Variants in USP13 observed in about 807,000 individuals in gnomAD.
USP13 encodes the protein ubiquitin specific peptidase 13, also known as ubiquitin carboxyl-terminal hydrolase 13.
Under a neutral mutation model 107.8 loss-of-function variants are expected in USP13, and 68 were observed. The ratio of observed to expected loss-of-function variants is 0.63; its 90% CI spans 0.52 to 0.77. The LOEUF is 0.77. Among genes scored for constraint, USP13 ranks in the 30% least tolerant of loss-of-function variants. The probability of loss-of-function intolerance (pLI) is 0.00; values close to 1 mark genes in which losing one functional copy is unlikely to be tolerated. For missense variants in USP13, 945 were observed against 1,093.3 expected, an observed-to-expected ratio of 0.86 and a Z score of 1.91; for synonymous variants, 377 against 389.5, an observed-to-expected ratio of 0.97 and a Z score of 0.38.
intron 2 of USP13, among the ~76,000 whole-genome samples, chr3:179,684,434 C>G (rs976354760): frequency 1.3e-5 from 2 of 152,164 alleles, no homozygotes; most frequent in African/African-American, 4.8e-5. Flanking sequence ...CCTCAGCCCC[C>G]CAAGTAGCTG....
chr3:179,728,343 G>A (rs1237525941), intron 8 of USP13, among the ~76,000 whole-genome samples: 1 of 148,860 alleles, frequency 6.7e-6, no homozygotes, highest in African/African-American at 2.5e-5. Context: ...CATCCCGGAC[G>A]GGGCGGCAGG....
chr3:179,683,134 A>AGT (rs1711728177), intron 2 of USP13, among the ~76,000 whole-genome samples: 4 of 149,820 alleles, frequency 2.7e-5, no homozygotes, highest in African/African-American at 9.8e-5. Context: ...TTTTCTTATA[A>AGT]GTGTGATGAG....
At chr3:179,729,554 C>G (rs1023303106) in intron 8 of USP13, among the ~76,000 whole-genome samples, 1 of 152,186 alleles carries the variant, frequency 6.6e-6, no homozygotes, top group African/African-American at 2.4e-5. Context: ...TCACTGCAAC[C>G]TCCACCTCCA....
At chr3:179,740,405 G>T (rs1714151264) in intron 11 of USP13, 33 bp downstream of exon 11, 1 of 1,613,112 alleles carries the variant, frequency 6.2e-7, no homozygotes, top group African/African-American at 1.3e-5. Context: ...TGCTCAGCGG[G>T]GTTGTAAGAG....
intron 10 of USP13, among the ~76,000 whole-genome samples, chr3:179,737,778 A>G (rs955371664): frequency 3.3e-5 from 5 of 152,166 alleles, no homozygotes; most frequent in Admixed American, 1.3e-4. Flanking sequence ...GTTCCCTAAC[A>G]TTTGTTATCG....
chr3:179,705,636 A>G (rs1466769898), intron 4 of USP13, among the ~76,000 whole-genome samples: 3 of 152,174 alleles, frequency 2.0e-5, no homozygotes, highest in Non-Finnish European at 2.9e-5. Flanking sequence ...ATAACATTCC[A>G]TTGTATGTAC....
Position 179,742,169 on chromosome 3 carries a change from T to C in USP13, c.1381-28T>C. The C allele has an allele frequency of 6.2e-7, 1 of 1,614,032 alleles. No individual in the cohort carries two copies. The highest frequency in any genetic ancestry group is 8.5e-7 in the Non-Finnish European group (1 of 1,179,898). ...CTTAGTGGCTCAATATTCATACATTTACTAACCTGATACAATCCATCCTTC... is the reference window on the plus strand; with the variant it reads ...CTTAGTGGCTCAATATTCATACATTCACTAACCTGATACAATCCATCCTTC... On this transcript the variant is annotated intron_variant, in intron 11 of 20. Coordinates refer to ENST00000263966, the MANE Select transcript of USP13 (RefSeq NM_003940.3). The surrounding 1 kb of genome is among the most constrained non-coding windows in gnomAD (Gnocchi z 5.0).
At chr3:179,712,892 A>G (rs1017618297) in intron 6 of USP13, among the ~76,000 whole-genome samples, 2 of 151,942 alleles carry the variant, frequency 1.3e-5, no homozygotes, top group Non-Finnish European at 2.9e-5. Context: ...AACCTTTGCT[A>G]ATCTGGTATC....
chr3:179,699,170 T>G (rs1712419494), intron 3 of USP13, among the ~76,000 whole-genome samples: 1 of 152,212 alleles, frequency 6.6e-6, no homozygotes, highest in Admixed American at 6.5e-5. Context: ...CTGGCCGGGT[T>G]GAATACCTTT....
At chr3:179,671,342 GAGCAT>G (rs1720745263) in intron 1 of USP13, among the ~76,000 whole-genome samples, 1 of 152,100 alleles carries the variant, frequency 6.6e-6, no homozygotes, top group Non-Finnish European at 1.5e-5. Flanking sequence ...TGAGAAAAGG[GAGCAT>G]ATCTAAATAC....
At chr3:179,783,666 T>C (rs1715821744) in intron 20 of USP13, among the ~76,000 whole-genome samples, 1 of 152,212 alleles carries the variant, frequency 6.6e-6, no homozygotes, top group Non-Finnish European at 1.5e-5. Flanking sequence ...TGGAGGTTCC[T>C]GATACATTTT....
chr3:179,659,214 A>G (rs1720383557), intron 1 of USP13, among the ~76,000 whole-genome samples: 1 of 152,182 alleles, frequency 6.6e-6, no homozygotes, highest in Admixed American at 6.5e-5. Flanking sequence ...CCACCAGGAA[A>G]GACTTTGAGA....
At chr3:179,719,204 T>A (rs1416263736) in intron 6 of USP13, among the ~76,000 whole-genome samples, 1 of 152,106 alleles carries the variant, frequency 6.6e-6, no homozygotes, top group Non-Finnish European at 1.5e-5. Context: ...ATGGCTGGGA[T>A]GTGGATCCCA....
chr3:179,706,920 G>T lies in USP13; in HGVS notation c.478-14G>T, dbSNP rs376782594. On this transcript the variant is annotated splice_polypyrimidine_tract_variant and intron_variant, in intron 4 of 20. Transcript: ENST00000263966. ...AAACTGTTTTTATATATTACATCTGGGTTTGTCTTATAGGTAACAATTGCT... is the reference window on the plus strand; with the variant it reads ...AAACTGTTTTTATATATTACATCTGTGTTTGTCTTATAGGTAACAATTGCT... 10 of 1,604,098 alleles carry T rather than the reference G, an allele frequency of 6.2e-6. No homozygotes were observed. In the African/African-American group the frequency reaches 1.1e-4, roughly 17 times the overall value.
intron 14 of USP13, 27 bp downstream of exon 14, chr3:179,752,400 T>G: frequency 3.2e-6 from 5 of 1,551,468 alleles, no homozygotes; most frequent in Non-Finnish European, 4.5e-6. Context: ...TGCTTTTGCT[T>G]AAAACATCAA....
chr3:179,720,233 A>G (rs1387835219), intron 7 of USP13, among the ~76,000 whole-genome samples, 199 bp downstream of exon 7: 1 of 152,118 alleles, frequency 6.6e-6, no homozygotes, highest in African/African-American at 2.4e-5. Context: ...TAGATTTTTT[A>G]TGCTGTAATA....
Position 179,730,658 on chromosome 3 carries a change from G to A in USP13, c.1203G>A (p.Lys401=). 1 of 1,614,140 alleles carries A rather than the reference G, an allele frequency of 6.2e-7. No individual in the cohort carries two copies. Among genetic ancestry groups the A allele is most frequent in the Non-Finnish European group, 8.5e-7 (1 of 1,179,998 alleles). ...GHGLLSGQYS[K]PPVKSELIEQ... is the part of the protein sequence containing the mutation. ...GCCTTCTCTCAGGCCAGTATTCAAA[G>A]CCTCCGGTGAAATCTGAACTCATTG... Residue 401 remains lysine, a synonymous_variant, in exon 10 of 21, where the codon AAG becomes AAA. Transcript: ENST00000263966.
chr3:179,746,504 C>T (rs947240602), intron 13 of USP13, among the ~76,000 whole-genome samples: 2 of 151,858 alleles, frequency 1.3e-5, no homozygotes, highest in African/African-American at 4.8e-5. Context: ...ACAATCTCTG[C>T]TTGCCACAAC....
intron 17 of USP13, 62 bp from the exon 18 acceptor site, chr3:179,763,940 T>C: frequency 2.0e-6 from 3 of 1,491,268 alleles, no homozygotes; most frequent in South Asian, 2.7e-5. Context: ...TTGTTAGTGT[T>C]GTTTCAGGAC....
Sources: gnomAD v4.1 joint callset for allele counts (sites outside exome capture counted in the v4.1 genomes callset) on GRCh38, gnomAD v4.1.1 for gene constraint, Gnocchi (gnomAD v3.1) non-coding constraint, MANE v1.5 for transcripts, NCBI Gene and HGNC (gene_info 2026-07-23, HGNC 2026-07-21) for gene names.